KCTD16: variants seen among roughly 807,000 people sequenced by gnomAD.
KCTD16 encodes BTB/POZ domain-containing protein KCTD16.
A neutral mutation model predicts 33.2 loss-of-function variants in KCTD16; 13 were observed. The ratio of observed to expected loss-of-function variants is 0.39; its 90% CI spans 0.25 to 0.62. KCTD16 has a LOEUF of 0.62. KCTD16 is among the 20% of genes least tolerant of loss of function. The probability of loss-of-function intolerance (pLI) is 0.50; values close to 1 mark genes in which losing one functional copy is unlikely to be tolerated. For missense variants in KCTD16, 441 were observed against 525.1 expected (o/e 0.84, Z 1.57); for synonymous variants, 197 against 195.3 (o/e 1.01, Z -0.07).
chr5:144,362,095 C>T (rs1003783634), intron 3 of KCTD16, among the ~76,000 whole-genome samples: 8 of 152,254 alleles, frequency 5.3e-5, no homozygotes, highest in Middle Eastern at 3.4e-3. Context: ...ATTAATTCAT[C>T]CATTCACTCA....
chr5:144,415,316 C>T (rs1326652434), intron 3 of KCTD16, among the ~76,000 whole-genome samples: 1 of 152,110 alleles, frequency 6.6e-6, no homozygotes, highest in Non-Finnish European at 1.5e-5. Flanking sequence ...AGATCAAGTT[C>T]CCAACACATG....
At position 144,340,091 on chromosome 5, in the gene KCTD16, G is replaced by T. The variant is rs781612197; in HGVS notation, c.832+132545G>T. Among the ~76,000 whole-genome samples the T allele has an allele frequency of 5.7e-4, 87 of 152,094 alleles. 1 individual carries two copies. Among genetic ancestry groups the T allele is most frequent in the Admixed American group, 2.7e-3 (41 of 15,274 alleles). On this transcript the variant is annotated intron_variant, in intron 3 of 3. Coordinates refer to ENST00000512467, the MANE Select transcript of KCTD16 (RefSeq NM_020768.4). ...GTGATCAGATATTTTGAAGCAGAGG[G>T]CAGGTAAGATCCTGTGGTCATGCTT...
intron 3 of KCTD16, among the ~76,000 whole-genome samples, chr5:144,414,387 G>C (rs1753001299): frequency 6.6e-6 from 1 of 152,164 alleles, no homozygotes; most frequent in African/African-American, 2.4e-5. Context: ...TACATGGCCT[G>C]TGTGTTCCTG....
At chr5:144,222,872 G>T (rs1167550573) in intron 3 of KCTD16, among the ~76,000 whole-genome samples, 1 of 152,152 alleles carries the variant, frequency 6.6e-6, no homozygotes, top group Non-Finnish European at 1.5e-5. Context: ...GTTCACAATA[G>T]CAAAGACTTG....
intron 2 of KCTD16, among the ~76,000 whole-genome samples, chr5:144,181,018 C>T (rs1365686608): frequency 4.6e-5 from 7 of 151,836 alleles, no homozygotes; most frequent in Non-Finnish European, 8.8e-5. Flanking sequence ...CTGCAAGCTC[C>T]GCCTCCCGGG....
At chr5:144,200,988 TTCCCACATCATCC>T (rs1452639039) in intron 2 of KCTD16, among the ~76,000 whole-genome samples, 1 of 152,210 alleles carries the variant, frequency 6.6e-6, no homozygotes, top group Non-Finnish European at 1.5e-5. Context: ...TTAAGCAATC[TTCCCACATCATCC>T]TCCCAAAGTG....
chr5:144,485,538 T>C lies in KCTD16; in HGVS notation c.*11424T>C, dbSNP rs1201097310. On this transcript the variant is annotated 3_prime_UTR_variant, in exon 4 of 4. Coordinates refer to ENST00000512467, the MANE Select transcript of KCTD16 (RefSeq NM_020768.4). Reference sequence around the variant, plus strand: ...AACTACAAAAGTCATTCTGTGGATATATTTTAAAAGGAAGAACAGAAACTA... The same window carrying C: ...AACTACAAAAGTCATTCTGTGGATACATTTTAAAAGGAAGAACAGAAACTA... 2 of 151,952 alleles carry C rather than the reference T, an allele frequency of 1.3e-5. No homozygotes were observed. Among genetic ancestry groups the C allele is most frequent in the Admixed American group, 6.6e-5 (1 of 15,224 alleles). 9.4% of individuals were successfully genotyped at this position (151,952 alleles called of 1,614,324 possible).
intron 3 of KCTD16, among the ~76,000 whole-genome samples, chr5:144,280,879 G>T (rs570241467): frequency 1.5e-5 from 2 of 134,394 alleles, no homozygotes; most frequent in African/African-American, 5.6e-5. Context: ...GTGAAACCCC[G>T]GTCTCTACTA....
chr5:144,425,366 G>T (rs1341005405), intron 3 of KCTD16, among the ~76,000 whole-genome samples: 1 of 151,874 alleles, frequency 6.6e-6, no homozygotes, highest in Non-Finnish European at 1.5e-5. Flanking sequence ...CCACCCAGCA[G>T]CTCTCTCAGG....
At chr5:144,418,324 G>T (rs1211123052) in intron 3 of KCTD16, among the ~76,000 whole-genome samples, 1 of 152,018 alleles carries the variant, frequency 6.6e-6, no homozygotes, top group East Asian at 1.9e-4. Context: ...ACCTTATTTG[G>T]CCCCACCCAC....
At chr5:144,232,777 C>T (rs80063334) in intron 3 of KCTD16, among the ~76,000 whole-genome samples, 2,757 of 152,244 alleles carry the variant, frequency 0.018, 78 homozygotes, top group African/African-American at 0.056. Context: ...TTGAATAAAA[C>T]ATTTTAACCC....
intron 3 of KCTD16, among the ~76,000 whole-genome samples, chr5:144,400,343 G>C (rs13179642): frequency 0.023 from 3,443 of 152,274 alleles, 50 homozygotes; most frequent in Middle Eastern, 0.048. Flanking sequence ...GGAGGAAGGA[G>C]GTGGTTAGCT....
chr5:144,402,813 A>C (rs1036185866), intron 3 of KCTD16, among the ~76,000 whole-genome samples: 3 of 152,148 alleles, frequency 2.0e-5, no homozygotes, highest in African/African-American at 4.8e-5. Context: ...TAGTGCATTC[A>C]TTTTCTACTG....
Position 144,206,448 on chromosome 5 carries a change from G to T in KCTD16, c.-267G>T. On this transcript the variant is annotated 5_prime_UTR_variant, in exon 3 of 4. Coordinates refer to ENST00000512467, the MANE Select transcript of KCTD16 (RefSeq NM_020768.4). Reference sequence around the variant, plus strand: ...TTGCATGTGAGCTTGATGGAAGATTGGATATAGACGAGTTGATTATATTTT... The same window carrying T: ...TTGCATGTGAGCTTGATGGAAGATTTGATATAGACGAGTTGATTATATTTT... 1 of 369,870 alleles carries T rather than the reference G, an allele frequency of 2.7e-6. No individual in the cohort carries two copies. The highest frequency in any genetic ancestry group is 2.1e-5 in the African/African-American group (1 of 48,530). The allele number at this position is 369,870 out of a possible 1,614,324, so 22.9% of individuals were successfully genotyped here.
At chr5:144,395,678 C>T (rs1159146448) in intron 3 of KCTD16, among the ~76,000 whole-genome samples, 1 of 152,204 alleles carries the variant, frequency 6.6e-6, no homozygotes, top group Non-Finnish European at 1.5e-5. Context: ...TTCTATTGTC[C>T]TCCCAGGTAG....
At chr5:144,245,691 G>A (rs1165838492) in intron 3 of KCTD16, among the ~76,000 whole-genome samples, 1 of 152,152 alleles carries the variant, frequency 6.6e-6, no homozygotes, top group South Asian at 2.1e-4. Flanking sequence ...CCCCCTTGGA[G>A]CGGTTGTTGC....
chr5:144,259,257 CAAAAAAAAA>C (rs1166248798), intron 3 of KCTD16, among the ~76,000 whole-genome samples: 2 of 48,386 alleles, frequency 4.1e-5, no homozygotes, highest in African/African-American at 1.5e-4. Flanking sequence ...GACTCCATCT[CAAAAAAAAA>C]AAAAAAAAAA....
chr5:144,202,400 G>A (rs939253454), intron 2 of KCTD16, among the ~76,000 whole-genome samples: 2 of 152,194 alleles, frequency 1.3e-5, no homozygotes, highest in African/African-American at 4.8e-5. Context: ...TTTGTAGAGT[G>A]TATTGCTTTA....
chr5:144,201,469 G>T (rs1182558273), intron 2 of KCTD16, among the ~76,000 whole-genome samples: 1 of 152,114 alleles, frequency 6.6e-6, no homozygotes, highest in East Asian at 1.9e-4. Flanking sequence ...ATTTCTTTAT[G>T]CCTCAATTGG....
Sources: allele counts gnomAD v4.1 joint callset (sites outside exome capture counted in the v4.1 genomes callset), GRCh38; gene constraint gnomAD v4.1.1; transcripts MANE v1.5; gene names NCBI Gene and HGNC (gene_info 2026-07-23, HGNC 2026-07-21).